The following TIAM1 variants were observed in gnomAD, a reference collection of about 807,000 sequenced individuals.
TIAM1 encodes the protein TIAM Rac1 associated GEF 1, also known as rho guanine nucleotide exchange factor TIAM1.
A neutral mutation model predicts 163.5 loss-of-function variants in TIAM1; 65 were observed. The ratio of observed to expected loss-of-function variants is 0.40; its 90% CI spans 0.33 to 0.49. The LOEUF is 0.49. Among genes scored for constraint, TIAM1 ranks in the 20% least tolerant of loss-of-function variants. TIAM1 has a pLI of 0.77. For missense variants in TIAM1, 1,789 were observed against 2,044.7 expected (o/e 0.87, Z 2.41); for synonymous variants, 833 against 810.1 (o/e 1.03, Z -0.48).
At chr21:31,188,859 C>T (rs2085419902) in intron 13 of TIAM1, among the ~76,000 whole-genome samples, 1 of 151,984 alleles carries the variant, frequency 6.6e-6, no homozygotes, top group African/African-American at 2.4e-5. Flanking sequence ...CAGGCTTTCA[C>T]TACTGAGCCT....
At chr21:31,400,394 T>G (rs996207591) in intron 2 of TIAM1, among the ~76,000 whole-genome samples, 1 of 152,130 alleles carries the variant, frequency 6.6e-6, no homozygotes, top group Non-Finnish European at 1.5e-5. Flanking sequence ...CCTCTCAAAG[T>G]GCTGGGATTG....
intron 2 of TIAM1, among the ~76,000 whole-genome samples, chr21:31,430,031 C>A (rs935224907): frequency 5.3e-5 from 8 of 151,670 alleles, no homozygotes; most frequent in Non-Finnish European, 1.2e-4. Flanking sequence ...CATGGTGAAA[C>A]CCCGTCTCTA....
chr21:31,370,192 A>T (rs1460287121), intron 2 of TIAM1, among the ~76,000 whole-genome samples: 1 of 152,172 alleles, frequency 6.6e-6, no homozygotes, highest in Non-Finnish European at 1.5e-5. Flanking sequence ...TTGTTATAGG[A>T]GCCGAATGGA....
chr21:31,275,334 A>T (rs1452878064), intron 3 of TIAM1, among the ~76,000 whole-genome samples: 2 of 152,154 alleles, frequency 1.3e-5, no homozygotes, highest in Non-Finnish European at 2.9e-5. Context: ...TAAATAGAAC[A>T]TGCCAACAGG....
intron 2 of TIAM1, among the ~76,000 whole-genome samples, chr21:31,433,908 G>A (rs375224983): frequency 3.3e-5 from 5 of 151,592 alleles, no homozygotes; most frequent in South Asian, 2.1e-4. Context: ...AGCGATCCTC[G>A]CACCTCAGCC....
intron 2 of TIAM1, among the ~76,000 whole-genome samples, chr21:31,324,452 C>T (rs2075419663): frequency 6.6e-6 from 1 of 152,216 alleles, no homozygotes; most frequent in Admixed American, 6.5e-5. Flanking sequence ...AGAGGACCTA[C>T]TGTAAGTCAG....
chr21:31,153,045 T>C (rs764208534), intron 18 of TIAM1, 21 bp downstream of exon 18: 2 of 1,607,988 alleles, frequency 1.2e-6, no homozygotes, highest in Non-Finnish European at 1.7e-6. Context: ...GGTCACAAAG[T>C]TGAAACCATT....
intron 6 of TIAM1, among the ~76,000 whole-genome samples, chr21:31,240,526 G>A (rs1010375334): frequency 6.6e-6 from 1 of 152,098 alleles, no homozygotes; most frequent in Non-Finnish European, 1.5e-5. Context: ...AACTAAACAT[G>A]GCATTCCAAG....
At chr21:31,486,513 T>C (rs1174618768) in intron 1 of TIAM1, among the ~76,000 whole-genome samples, 1 of 152,250 alleles carries the variant, frequency 6.6e-6, no homozygotes, top group Non-Finnish European at 1.5e-5. Context: ...ACAAAGCATT[T>C]AATTTAGGTC....
chr21:31,149,504 C>T (rs542073227), intron 19 of TIAM1, among the ~76,000 whole-genome samples: 88 of 152,170 alleles, frequency 5.8e-4, no homozygotes, highest in Non-Finnish European at 1.1e-3. Flanking sequence ...AATAACACTG[C>T]TCTCAGTACA....
intron 1 of TIAM1, among the ~76,000 whole-genome samples, chr21:31,492,776 T>TACACACACACACAC (rs3055373): frequency 3.9e-4 from 55 of 139,786 alleles, no homozygotes; most frequent in South Asian, 5.1e-4. Context: ...TATTTTGGGT[T>TACACACACACACAC]ACACACACAC....
intron 2 of TIAM1, among the ~76,000 whole-genome samples, chr21:31,425,584 CTTT>C (rs533484712): frequency 1.5e-5 from 2 of 137,810 alleles, no homozygotes; most frequent in African/African-American, 5.4e-5. Context: ...CCAGGGACTG[CTTT>C]TTTTTTTTTT....
At chr21:31,146,867 C>G (rs1429665840) in intron 20 of TIAM1, 28 bp downstream of exon 20, 5 of 1,584,652 alleles carry the variant, frequency 3.2e-6, no homozygotes, top group Non-Finnish European at 3.5e-6. Context: ...GCAACACACC[C>G]CCACCTCCAC....
chr21:31,222,676 C>CAAATATATATAT (rs1310227960), intron 8 of TIAM1, among the ~76,000 whole-genome samples: 4 of 48,226 alleles, frequency 8.3e-5, no homozygotes, highest in African/African-American at 2.6e-4. Flanking sequence ...TGTACACATA[C>CAAATATATATAT]ATATATATAT....
intron 11 of TIAM1, among the ~76,000 whole-genome samples, chr21:31,204,969 C>T (rs527807157): frequency 3.3e-5 from 5 of 152,210 alleles, no homozygotes; most frequent in Non-Finnish European, 1.5e-5. Context: ...TGGCTTTTGT[C>T]CTTTCACTGC....
chr21:31,124,739 A>G, intron 26 of TIAM1, 45 bp from the exon 27 acceptor site: 3 of 1,480,678 alleles, frequency 2.0e-6, no homozygotes, highest in Non-Finnish European at 2.7e-6. Flanking sequence ...AGGGCTTAAC[A>G]CATGGGGAAC....
At chr21:31,300,843 G>A (rs892421546) in intron 2 of TIAM1, among the ~76,000 whole-genome samples, 1 of 152,196 alleles carries the variant, frequency 6.6e-6, no homozygotes, top group Non-Finnish European at 1.5e-5. Flanking sequence ...ACCAAATAGA[G>A]ATACGGTAAA....
intron 2 of TIAM1, among the ~76,000 whole-genome samples, chr21:31,374,697 G>C (rs917218911): frequency 6.6e-6 from 1 of 152,182 alleles, no homozygotes; most frequent in African/African-American, 2.4e-5. Context: ...GAAAACATCA[G>C]GTTCCCAGCA....
intron 2 of TIAM1, among the ~76,000 whole-genome samples, chr21:31,387,256 C>T (rs1321864480): frequency 7.4e-6 from 1 of 134,382 alleles, no homozygotes; most frequent in South Asian, 2.4e-4. Context: ...GGGTCTCGCT[C>T]GTGTCGTCCA....
Sources: allele counts gnomAD v4.1 joint callset (sites outside exome capture counted in the v4.1 genomes callset), GRCh38; gene constraint gnomAD v4.1.1; transcripts MANE v1.5; gene names NCBI Gene and HGNC (gene_info 2026-07-23, HGNC 2026-07-21).